CPLANE1: variants seen among roughly 807,000 people sequenced by gnomAD.
CPLANE1 encodes the protein ciliogenesis and planar polarity effector 1.
CPLANE1 carries 263 observed loss-of-function variants against 362.5 expected under a neutral mutation model. The ratio of observed to expected loss-of-function variants is 0.73; its 90% CI spans 0.66 to 0.80. CPLANE1 has a LOEUF of 0.80. Among genes scored for constraint, CPLANE1 ranks in the 30% least tolerant of loss-of-function variants. CPLANE1 has a pLI of 0.00. For missense variants in CPLANE1, 3,461 were observed against 3,793.4 expected, an observed-to-expected ratio of 0.91 and a Z score of 2.30; for synonymous variants, 1,212 against 1,302.6, an observed-to-expected ratio of 0.93 and a Z score of 1.50.
At chr5:37,118,232 C>CA (rs1034568693) in intron 50 of CPLANE1, among the ~76,000 whole-genome samples, 1 of 151,704 alleles carries the variant, frequency 6.6e-6, no homozygotes, top group Non-Finnish European at 1.5e-5. Context: ...CCCATCTCTA[C>CA]AAAAAATGAA....
intron 19 of CPLANE1, among the ~76,000 whole-genome samples, chr5:37,199,699 G>A (rs1788603964): frequency 6.6e-6 from 1 of 152,168 alleles, no homozygotes. Flanking sequence ...GTAAACATCT[G>A]CTTCCCCAAC....
At chr5:37,112,744 T>C (rs1759715457) in intron 51 of CPLANE1, among the ~76,000 whole-genome samples, 2 of 152,330 alleles carry the variant, frequency 1.3e-5, no homozygotes, top group African/African-American at 4.8e-5. Context: ...CTTGTGTCAA[T>C]TTGTGAGTCA....
intron 23 of CPLANE1, among the ~76,000 whole-genome samples, chr5:37,186,808 C>A (rs1784114610): frequency 1.3e-5 from 2 of 152,044 alleles, no homozygotes; most frequent in African/African-American, 4.8e-5. Flanking sequence ...GCCTGTAATC[C>A]CAGCACTTTG....
At chr5:37,186,028 A>T (rs1264416225) in intron 24 of CPLANE1, among the ~76,000 whole-genome samples, 1 of 152,226 alleles carries the variant, frequency 6.6e-6, no homozygotes, top group Non-Finnish European at 1.5e-5. Flanking sequence ...TATGAGGCTC[A>T]GAGAGACTGA....
chr5:37,121,105 G>A (rs1313605752), intron 49 of CPLANE1, among the ~76,000 whole-genome samples: 2 of 152,174 alleles, frequency 1.3e-5, no homozygotes, highest in South Asian at 2.1e-4. Context: ...TCTATGTTTA[G>A]TTAATTCCTG....
At chr5:37,177,516 C>T (rs1308680688) in intron 30 of CPLANE1, 105 bp downstream of exon 30, 1 of 797,320 alleles carries the variant, frequency 1.3e-6, no homozygotes, top group East Asian at 2.5e-5. Context: ...TCACTAGAAA[C>T]ACAATACCAC....
At chr5:37,167,003 G>A in intron 35 of CPLANE1, 44 bp downstream of exon 35, 3 of 1,413,348 alleles carry the variant, frequency 2.1e-6, no homozygotes, top group Non-Finnish European at 2.0e-6. Context: ...TAATGAACTT[G>A]CTGATATATG....
intron 25 of CPLANE1, among the ~76,000 whole-genome samples, chr5:37,184,394 T>C (rs1171573184): frequency 6.6e-6 from 1 of 152,010 alleles, no homozygotes; most frequent in Non-Finnish European, 1.5e-5. Context: ...TTCCCTGAAA[T>C]ATTTCCCTTA....
intron 32 of CPLANE1, among the ~76,000 whole-genome samples, chr5:37,170,721 A>G (rs550209733): frequency 6.6e-6 from 1 of 152,296 alleles, no homozygotes; most frequent in Admixed American, 6.5e-5. Context: ...GCAGATCATG[A>G]GGTCAAGAGA....
Position 37,139,326 on chromosome 5 carries a change from CTT to C in CPLANE1, c.8663+12_8663+13del, listed in dbSNP as rs760294066. ...CTTTAAAGAAAATTGTGAATTAACT[CTT>C]AAGATATTTACCTCTCACACAATTC... On this transcript the variant is annotated intron_variant, in intron 45 of 52. Transcript: ENST00000651892. The C allele has an allele frequency of 7.4e-7, 1 of 1,347,588 alleles. No individual in the cohort carries two copies. The highest frequency in any genetic ancestry group is 2.5e-5 in the Admixed American group (1 of 39,462). The allele number at this position is 1,347,588 out of a possible 1,614,324, so 83.5% of individuals were successfully genotyped here.
At chr5:37,186,692 C>T (rs1784080619) in intron 23 of CPLANE1, among the ~76,000 whole-genome samples, 1 of 152,140 alleles carries the variant, frequency 6.6e-6, no homozygotes, top group Non-Finnish European at 1.5e-5. Flanking sequence ...ATTAGCACAT[C>T]CATCAATACA....
At chr5:37,162,772 C>T (rs192256325) in intron 37 of CPLANE1, 22 of 356,126 alleles carry the variant, frequency 6.2e-5, no homozygotes, top group Non-Finnish European at 9.7e-5. Context: ...TTCCCCCTCC[C>T]GGGTTCAAGT....
At chr5:37,129,752 G>C (rs1765229140) in intron 46 of CPLANE1, among the ~76,000 whole-genome samples, 1 of 152,180 alleles carries the variant, frequency 6.6e-6, no homozygotes, top group Non-Finnish European at 1.5e-5. Context: ...AATAGATGTT[G>C]GCAGGGATGC....
In CPLANE1 at chr5:37,164,319, T is replaced by C. The variant is rs749250283; in HGVS notation, c.7542A>G (p.Gln2514=). 1 of 1,613,146 alleles carries C rather than the reference T, an allele frequency of 6.2e-7. No homozygotes were observed. The highest frequency in any genetic ancestry group is 1.1e-5 in the South Asian group (1 of 91,060). The change falls in exon 37 of 53, where the codon CAA becomes CAG. Residue 2514 remains glutamine (Q), a synonymous_variant. Transcript: ENST00000651892. ...CCAAAGGATGGGAACCACAATGTTC[T>C]TGTTGTTCCTAAATGAATTCCCACA... ...SEIIKKPKEQ[Q]EHCGSHPLDD...
intron 12 of CPLANE1, 134 bp downstream of exon 12, chr5:37,226,170 T>A (rs1259612652): frequency 3.3e-6 from 2 of 597,654 alleles, no homozygotes. Flanking sequence ...CACAACCTTA[T>A]AAATATACTA....
intron 26 of CPLANE1, among the ~76,000 whole-genome samples, chr5:37,181,880 CAG>C (rs2151128107): frequency 6.6e-6 from 1 of 151,514 alleles, no homozygotes; most frequent in Non-Finnish European, 1.5e-5. Flanking sequence ...ATCACAAGGT[CAG>C]GAGTTTGAGA....
rs78340432 is a variant in CPLANE1, at chr5:37,225,255, C to T, written c.2292-515G>A. On this transcript the variant is annotated intron_variant, in intron 12 of 52. Coordinates refer to ENST00000651892, the MANE Select transcript of CPLANE1 (RefSeq NM_001384732.1). ...TAGCTGGGACCACAGGTGCACCACA[C>T]TGTTTTTTTTTTCTTTTCAGGCAAG... Among the ~76,000 whole-genome samples the T allele has an allele frequency of 5.5e-3, 839 of 151,770 alleles. 10 individuals carry two copies. The highest frequency in any genetic ancestry group is 0.019 in the African/African-American group (798 of 41,404).
At chr5:37,244,705 A>C (rs1036077690) in intron 4 of CPLANE1, 98 bp from the exon 5 acceptor site, 4 of 768,988 alleles carry the variant, frequency 5.2e-6, no homozygotes, top group Non-Finnish European at 8.2e-6. Context: ...AAAAAAACAA[A>C]TAATGTTACC....
In CPLANE1 at chr5:37,227,091, A is replaced by C; in HGVS notation, c.1522-18T>G. ...TCAAAATCCTAAAACATGAGGGGAA[A>C]AAAATGATACTTAATACCATTTAAT... On this transcript the variant is annotated intron_variant, in intron 11 of 52. Transcript: ENST00000651892. 6.5e-7 allele frequency: 1 copy of C among 1,528,618 alleles called. No homozygotes were observed. The highest frequency in any genetic ancestry group is 1.7e-4 in the Middle Eastern group (1 of 5,842). 94.7% of individuals were successfully genotyped at this position (1,528,618 alleles called of 1,614,324 possible).
Sources: allele counts gnomAD v4.1 joint callset (sites outside exome capture counted in the v4.1 genomes callset), GRCh38; gene constraint gnomAD v4.1.1; transcripts MANE v1.5; gene names NCBI Gene and HGNC (gene_info 2026-07-23, HGNC 2026-07-21).